IL6ST: variants seen among roughly 807,000 people sequenced by gnomAD.
IL6ST encodes the protein interleukin-6 receptor subunit beta.
A neutral mutation model predicts 91.3 loss-of-function variants in IL6ST; 24 were observed. The ratio of observed to expected loss-of-function variants is 0.26; its 90% CI spans 0.19 to 0.37. The LOEUF is 0.37. Among genes scored for constraint, IL6ST ranks in the 10% least tolerant of loss-of-function variants. The probability of loss-of-function intolerance (pLI) is 1.00; values close to 1 mark genes in which losing one functional copy is unlikely to be tolerated. For synonymous variants in IL6ST, 351 were observed against 373.6 expected, an observed-to-expected ratio of 0.94 and a Z score of 0.70; for missense variants, 914 against 1,078.5, an observed-to-expected ratio of 0.85 and a Z score of 2.14.
At chr5:55,965,713 G>A (rs907398562) in intron 5 of IL6ST, among the ~76,000 whole-genome samples, 4 of 151,658 alleles carry the variant, frequency 2.6e-5, no homozygotes, top group South Asian at 2.1e-4. Context: ...TGAATGAGCC[G>A]GGCGGGGTGG....
intron 3 of IL6ST, among the ~76,000 whole-genome samples, chr5:55,970,765 G>A (rs971221660): frequency 6.6e-6 from 1 of 152,028 alleles, no homozygotes; most frequent in African/African-American, 2.4e-5. Flanking sequence ...AAATTAGCTG[G>A]GTGTCATGGT....
At chr5:55,955,485 A>G (rs1561169929) in intron 10 of IL6ST, among the ~76,000 whole-genome samples, 1 of 152,240 alleles carries the variant, frequency 6.6e-6, no homozygotes, top group Non-Finnish European at 1.5e-5. Context: ...AATTCTTCAA[A>G]TGCTTTCGGT....
chr5:55,964,735 C>A (rs1423041568), intron 5 of IL6ST, among the ~76,000 whole-genome samples: 1 of 152,018 alleles, frequency 6.6e-6, no homozygotes, highest in Non-Finnish European at 1.5e-5. Flanking sequence ...AGCCTTTAGT[C>A]TTAGGGCTAA....
rs200601494 is a variant in IL6ST at position 55,963,499 on chromosome 5, G to C, written c.666C>G (p.Pro222=). The part of the protein sequence containing the change: ...INFDPVYKVK[P]NPPHNLSVIN... ...TCACTGATAAATTATGTGGCGGATT[G>C]GGCTTCACTGAAAAATAAAATAAAT... The change falls in exon 7 of 17, where the codon CCC becomes CCG. Residue 222 remains proline (P), a synonymous_variant. Coordinates refer to ENST00000381298, the MANE Select transcript of IL6ST (RefSeq NM_002184.4). The C allele has an allele frequency of 1.2e-6, 2 of 1,602,424 alleles. No homozygotes were observed. The highest frequency in any genetic ancestry group is 2.2e-5 in the East Asian group (1 of 44,602).
chr5:55,968,152 T>A, intron 5 of IL6ST, 124 bp downstream of exon 5: 1 of 940,566 alleles, frequency 1.1e-6, no homozygotes. Context: ...ATTTGAAATG[T>A]TACAGAATAA....
intron 1 of IL6ST, among the ~76,000 whole-genome samples, chr5:55,985,108 C>G (rs761288811): frequency 1.3e-5 from 2 of 152,156 alleles, no homozygotes; most frequent in Non-Finnish European, 2.9e-5. Context: ...TTCTTGTATG[C>G]TTGTCTTTTC....
intron 5 of IL6ST, among the ~76,000 whole-genome samples, chr5:55,967,527 A>G (rs1022948489): frequency 7.8e-3 from 1 of 128 alleles, no homozygotes; most frequent in Non-Finnish European, 0.016. Context: ...TATTCATGAG[A>G]CATAGGGGAA....
At chr5:55,971,533 C>A (rs1752963573) in intron 3 of IL6ST, among the ~76,000 whole-genome samples, 1 of 152,204 alleles carries the variant, frequency 6.6e-6, no homozygotes. Context: ...TCAATGTCCA[C>A]AATTTTAAGG....
chr5:55,939,875 A>G lies in IL6ST; in HGVS notation c.*1207T>C. On this transcript the variant is annotated 3_prime_UTR_variant, in exon 17 of 17. Coordinates refer to ENST00000381298, the MANE Select transcript of IL6ST (RefSeq NM_002184.4). ...GACATTAAAATACCATCTCTTTATT[A>G]AGTGTCTCTACAATAATGATATTTG... is the stretch of plus-strand genomic sequence containing the variant. 4.9e-6 allele frequency: 1 copy of G among 203,366 alleles called. No individual in the cohort carries two copies. The highest frequency in any genetic ancestry group is 1.0e-5 in the Non-Finnish European group (1 of 98,996). 12.6% of individuals were successfully genotyped at this position (203,366 alleles called of 1,614,324 possible).
chr5:55,982,622 G>A (rs1753730933), intron 2 of IL6ST, 102 bp downstream of exon 2: 1 of 394,416 alleles, frequency 2.5e-6, no homozygotes, highest in African/African-American at 2.1e-5. Context: ...TTTCACTTTA[G>A]TCTCCTAATA....
At chr5:55,971,112 T>C (rs1165250465) in intron 3 of IL6ST, among the ~76,000 whole-genome samples, 1 of 152,230 alleles carries the variant, frequency 6.6e-6, no homozygotes, top group African/African-American at 2.4e-5. Context: ...TAAATGAGCA[T>C]GTCCAAAACT....
chr5:55,941,912 A>C, intron 16 of IL6ST, 93 bp from the exon 17 acceptor site: 1 of 1,056,058 alleles, frequency 9.5e-7, no homozygotes, highest in Non-Finnish European at 1.4e-6. Flanking sequence ...TCAGTGGTAC[A>C]GAAATAACCT....
intron 2 of IL6ST, among the ~76,000 whole-genome samples, chr5:55,980,709 TA>T (rs1470743368): frequency 6.6e-6 from 1 of 152,114 alleles, no homozygotes; most frequent in Non-Finnish European, 1.5e-5. Flanking sequence ...AAGCTAAAAT[TA>T]TTAAAGACAA....
intron 1 of IL6ST, among the ~76,000 whole-genome samples, chr5:55,992,998 T>C (rs1754417537): frequency 6.6e-6 from 1 of 152,226 alleles, no homozygotes; most frequent in African/African-American, 2.4e-5. Flanking sequence ...TAGTATTTGC[T>C]GTGTAAAATA....
At chr5:55,985,474 T>C (rs891618974) in intron 1 of IL6ST, among the ~76,000 whole-genome samples, 3 of 149,898 alleles carry the variant, frequency 2.0e-5, no homozygotes, top group African/African-American at 4.9e-5. Context: ...TGAGCAGAGA[T>C]AGCACCACTG....
chr5:55,958,773 A>C lies in IL6ST; in HGVS notation c.974-1482T>G, dbSNP rs10052757. On this transcript the variant is annotated intron_variant, in intron 8 of 16. Coordinates refer to ENST00000381298, the MANE Select transcript of IL6ST (RefSeq NM_002184.4). ...AGGATCGCTTCAGCCTTGGAGGTAG[A>C]GGCTGCAGCGAGCCGTGTTCATGCC... Among the ~76,000 whole-genome samples the C allele has an allele frequency of 3.1e-3, 464 of 148,866 alleles. 6 individuals are homozygous for C. Among genetic ancestry groups the C allele is most frequent in the African/African-American group, 0.011 (449 of 40,182 alleles).
intron 1 of IL6ST, among the ~76,000 whole-genome samples, chr5:55,992,727 C>G (rs899421478): frequency 1.3e-5 from 2 of 152,162 alleles, no homozygotes; most frequent in Admixed American, 1.3e-4. Flanking sequence ...TTATCCAAAT[C>G]CTACCCAGGT....
chr5:55,981,334 G>A (rs1038645867), intron 2 of IL6ST, among the ~76,000 whole-genome samples: 1 of 152,054 alleles, frequency 6.6e-6, no homozygotes, highest in Non-Finnish European at 1.5e-5. Flanking sequence ...AACTTCACTT[G>A]GGGCTTGCTT....
At chr5:55,942,876 T>C in intron 15 of IL6ST, 125 bp from the exon 16 acceptor site, 2 of 556,114 alleles carry the variant, frequency 3.6e-6, no homozygotes, top group South Asian at 4.8e-5. Flanking sequence ...GAACAAAAAA[T>C]ACCTACTCTA....
Sources: allele counts gnomAD v4.1 joint callset (sites outside exome capture counted in the v4.1 genomes callset), GRCh38; gene constraint gnomAD v4.1.1; transcripts MANE v1.5; gene names NCBI Gene and HGNC (gene_info 2026-07-23, HGNC 2026-07-21).